The following NINJ2 variants were observed in gnomAD, a reference collection of about 807,000 sequenced individuals.
NINJ2 encodes ninjurin 2.
In NINJ2, 12 loss-of-function variants were observed where a neutral mutation model predicts 11.7. That is an observed-to-expected ratio of 1.02 (90% CI 0.66 to 1.66). NINJ2 has a LOEUF of 1.66. Among genes scored for constraint, NINJ2 ranks in the 40% most tolerant of loss-of-function variants. NINJ2 has a pLI of 0.00. For missense variants in NINJ2, 187 were observed against 181.8 expected, an observed-to-expected ratio of 1.03 and a Z score of -0.16; for synonymous variants, 93 against 76.8, an observed-to-expected ratio of 1.21 and a Z score of -1.10.
chr12:586,850 G>A (rs887539161), intron 1 of NINJ2, among the ~76,000 whole-genome samples: 22 of 152,100 alleles, frequency 1.4e-4, no homozygotes, highest in Admixed American at 5.2e-4. Context: ...CTTCACCTTC[G>A]GGGCCCTGCT....
At chr12:565,784 G>A (rs1243509009) in intron 2 of NINJ2, 166 bp downstream of exon 2, 2 of 709,152 alleles carry the variant, frequency 2.8e-6, no homozygotes, top group African/African-American at 3.5e-5. Context: ...CCCTCGCGGG[G>A]TGGAAGTTGG....
intron 1 of NINJ2, chr12:644,755 G>A (rs1475644215): frequency 6.6e-6 from 1 of 152,108 alleles, no homozygotes; most frequent in Non-Finnish European, 1.5e-5. Flanking sequence ...TTCAAATCAC[G>A]AATTGTTTCA....
At chr12:630,945 C>G (rs1948273955) in intron 1 of NINJ2, 1 of 152,348 alleles carries the variant, frequency 6.6e-6, no homozygotes, top group South Asian at 2.1e-4. Context: ...GTGCTAGGAT[C>G]AAGGGTGCAT....
intron 1 of NINJ2, among the ~76,000 whole-genome samples, chr12:620,386 C>T (rs1053903618): frequency 1.3e-5 from 2 of 152,226 alleles, no homozygotes; most frequent in African/African-American, 2.4e-5. Context: ...AGTATGGGGT[C>T]CCTGAATCCA....
chr12:596,243 C>G (rs1488471690), intron 1 of NINJ2, among the ~76,000 whole-genome samples: 1 of 152,188 alleles, frequency 6.6e-6, no homozygotes, highest in South Asian at 2.1e-4. Context: ...ACTGCCAAAA[C>G]TTGGAAGCTA....
At chr12:569,855 G>C (rs946795885) in intron 1 of NINJ2, among the ~76,000 whole-genome samples, 1 of 152,214 alleles carries the variant, frequency 6.6e-6, no homozygotes. Context: ...ATGCGGGGCC[G>C]ACTCGGGCCT....
chr12:630,553 T>G (rs1020949921), intron 1 of NINJ2, among the ~76,000 whole-genome samples: 3 of 152,276 alleles, frequency 2.0e-5, no homozygotes, highest in African/African-American at 7.2e-5. Flanking sequence ...TTTTTTTGTA[T>G]TTTTAGCACA....
intron 1 of NINJ2, chr12:610,575 G>C: frequency 1.0e-6 from 1 of 985,336 alleles, no homozygotes; most frequent in Non-Finnish European, 1.2e-6. Context: ...TGGGTTAGCT[G>C]CTCTGAGCGA....
chr12:650,312 G>A (rs1937767170), intron 1 of NINJ2, among the ~76,000 whole-genome samples: 1 of 151,872 alleles, frequency 6.6e-6, no homozygotes, highest in Non-Finnish European at 1.5e-5. Context: ...CTCAAAGTGA[G>A]CTCAGGTGAT....
chr12:573,218 G>A (rs1947403509), intron 1 of NINJ2, among the ~76,000 whole-genome samples: 1 of 151,898 alleles, frequency 6.6e-6, no homozygotes, highest in Non-Finnish European at 1.5e-5. Context: ...GTAGAGACGG[G>A]GTTTCACCAT....
At chr12:626,944 G>A (rs922704526) in intron 1 of NINJ2, among the ~76,000 whole-genome samples, 1 of 152,070 alleles carries the variant, frequency 6.6e-6, no homozygotes, top group Non-Finnish European at 1.5e-5. Flanking sequence ...GAGTACGCAG[G>A]TGTGGTAAGA....
chr12:659,876 G>A (rs1353056717), intron 1 of NINJ2, among the ~76,000 whole-genome samples: 3 of 152,196 alleles, frequency 2.0e-5, no homozygotes, highest in South Asian at 2.1e-4. Flanking sequence ...TTCTGAACAG[G>A]TCAGACAGAA....
chr12:623,617 C>T (rs144117648), intron 1 of NINJ2, among the ~76,000 whole-genome samples: 4 of 152,318 alleles, frequency 2.6e-5, no homozygotes, highest in African/African-American at 4.8e-5. Flanking sequence ...GAGTGAGAGG[C>T]GACAGGCTAG....
At chr12:624,907 G>C (rs1234709368) in intron 1 of NINJ2, among the ~76,000 whole-genome samples, 5 of 144,164 alleles carry the variant, frequency 3.5e-5, no homozygotes, top group Non-Finnish European at 1.5e-5. Flanking sequence ...TAAGGAGTTC[G>C]AGACCAGCCT....
chr12:630,044 A>T (rs1027141542), intron 1 of NINJ2, among the ~76,000 whole-genome samples: 2 of 150,862 alleles, frequency 1.3e-5, no homozygotes, highest in African/African-American at 4.9e-5. Context: ...GACACCCTGG[A>T]TGATGAAAAA....
chr12:615,264 A>G (rs2120357581), intron 1 of NINJ2, among the ~76,000 whole-genome samples: 1 of 152,310 alleles, frequency 6.6e-6, no homozygotes, highest in South Asian at 2.1e-4. Flanking sequence ...TAAATGACTG[A>G]CAGCTTTTCC....
chr12:637,516 C>A (rs957890802), intron 1 of NINJ2, among the ~76,000 whole-genome samples: 1 of 151,198 alleles, frequency 6.6e-6, no homozygotes, highest in Non-Finnish European at 1.5e-5. Context: ...TGGCAGGCAC[C>A]TGAAATCCCA....
At chr12:649,531 G>A (rs6489700) in intron 1 of NINJ2, among the ~76,000 whole-genome samples, 37 of 127,694 alleles carry the variant, frequency 2.9e-4, no homozygotes, top group Admixed American at 1.5e-3. Context: ...GTGTATATGT[G>A]TATATATATA....
intron 1 of NINJ2, among the ~76,000 whole-genome samples, chr12:577,366 G>A (rs1253058465): frequency 7.6e-6 from 1 of 131,666 alleles, no homozygotes; most frequent in Non-Finnish European, 1.7e-5. Flanking sequence ...AACTTACTAT[G>A]GGTTTATCAG....
Sources: allele counts gnomAD v4.1 joint callset (sites outside exome capture counted in the v4.1 genomes callset), GRCh38; gene constraint gnomAD v4.1.1; transcripts MANE v1.5; gene names NCBI Gene and HGNC (gene_info 2026-07-23, HGNC 2026-07-21).